The following VPS54 variants were observed in gnomAD, a reference collection of about 807,000 sequenced individuals.
VPS54 encodes vacuolar protein sorting-associated protein 54.
VPS54 carries 45 observed loss-of-function variants against 121.5 expected under a neutral mutation model. That is an observed-to-expected ratio of 0.37 (90% CI 0.29 to 0.47). VPS54 has a LOEUF of 0.47. Ranked by LOEUF, VPS54 falls within the 20% of genes least tolerant of loss-of-function variation. The pLI, the probability that VPS54 is intolerant of heterozygous loss-of-function variation, is 0.99. For missense variants in VPS54, 1,090 were observed against 1,131.4 expected (o/e 0.96, Z 0.52); for synonymous variants, 371 against 385.8 (o/e 0.96, Z 0.45).
intron 1 of VPS54, among the ~76,000 whole-genome samples, chr2:64,017,069 C>T (rs1319484716): frequency 7.1e-6 from 1 of 141,558 alleles, no homozygotes; most frequent in Admixed American, 7.1e-5. Context: ...GGGGCCGGGG[C>T]GGTGGCTCAC....
Position 63,949,058 on chromosome 2 carries a change from A to T in VPS54, c.1116T>A (p.Asp372Glu). 1 of 1,611,290 alleles carries T rather than the reference A, an allele frequency of 6.2e-7. No individual in the cohort carries two copies. Among genetic ancestry groups the T allele is most frequent in the Non-Finnish European group, 8.5e-7 (1 of 1,179,066 alleles). The change falls in exon 8 of 23, where the codon GAT becomes GAA. Residue 372 changes from aspartate to glutamate, a missense_variant. This residue lies in a region of VPS54 where 801 missense variants were observed against 757.0 expected (regional missense o/e 1.06). Transcript: ENST00000272322. The stretch of plus-strand genomic sequence containing the variant: ...ATACCTCTTCTAAAACTTGACAGTC[A>T]TCTTCCAGTGGTCTATTTAAGTCAC... ...SHSDLNRPLE[D>E]DCQVLEEERL...
intron 1 of VPS54, among the ~76,000 whole-genome samples, chr2:63,994,456 C>T (rs2104653527): frequency 6.6e-6 from 1 of 152,288 alleles, no homozygotes; most frequent in Non-Finnish European, 1.5e-5. Flanking sequence ...GAAATCTACA[C>T]TAATGATAGT....
chr2:63,919,156 A>G (rs1299918721), intron 15 of VPS54, among the ~76,000 whole-genome samples: 2 of 152,020 alleles, frequency 1.3e-5, no homozygotes, highest in Admixed American at 1.3e-4. Context: ...TGATGACTCC[A>G]CCTGAACTAG....
At chr2:63,937,728 A>G (rs1674515546) in intron 11 of VPS54, among the ~76,000 whole-genome samples, 1 of 152,200 alleles carries the variant, frequency 6.6e-6, no homozygotes, top group African/African-American at 2.4e-5. Flanking sequence ...TCAACAGCCA[A>G]AAGTTGAAGG....
chr2:63,974,651 C>G (rs974705879), intron 3 of VPS54, among the ~76,000 whole-genome samples: 3 of 152,128 alleles, frequency 2.0e-5, no homozygotes, highest in Non-Finnish European at 2.9e-5. Flanking sequence ...GATCTTATAT[C>G]TATTTAGATT....
intron 3 of VPS54, among the ~76,000 whole-genome samples, chr2:63,979,425 G>C (rs1473824080): frequency 2.0e-5 from 3 of 151,892 alleles, no homozygotes; most frequent in Non-Finnish European, 4.4e-5. Context: ...TATTTTTATA[G>C]AGACAGGGTT....
In VPS54 at chr2:63,897,577, CT is replaced by C. The variant is rs751553333; in HGVS notation, c.2746del (p.Arg916GlufsTer10). On this transcript the variant is annotated frameshift_variant, in exon 22 of 23. Transcript: ENST00000272322. LOFTEE classifies it high-confidence loss of function. The part of the protein sequence containing the change: ...PEEQTQMLFL[R>X]INASYKLHLK... The stretch of plus-strand genomic sequence containing the variant: ...GTGGAGTTTATAACTTGCATTAATT[CT>C]TAAAAATAACATCTGAAAAAGAAAT... 1 of 1,558,040 alleles carries C rather than the reference CT, an allele frequency of 6.4e-7. No individual in the cohort carries two copies. The highest frequency in any genetic ancestry group is 8.8e-7 in the Non-Finnish European group (1 of 1,140,956).
chr2:63,995,543 C>T (rs780855623), intron 1 of VPS54, among the ~76,000 whole-genome samples: 12 of 152,330 alleles, frequency 7.9e-5, no homozygotes, highest in Admixed American at 2.6e-4. Flanking sequence ...CCACCACTGC[C>T]GGAATGGCGT....
At chr2:63,931,522 T>G (rs1437077505) in intron 12 of VPS54, among the ~76,000 whole-genome samples, 1 of 152,146 alleles carries the variant, frequency 6.6e-6, no homozygotes, top group Admixed American at 6.5e-5. Flanking sequence ...GATCAAAGAC[T>G]TAAACGTAAG....
intron 1 of VPS54, among the ~76,000 whole-genome samples, chr2:63,993,875 T>G (rs760725200): frequency 2.0e-4 from 31 of 152,322 alleles, no homozygotes; most frequent in Middle Eastern, 6.8e-3. Flanking sequence ...CAAGCTTATT[T>G]CTACCCCTTA....
intron 12 of VPS54, among the ~76,000 whole-genome samples, chr2:63,928,659 A>C (rs1674033630): frequency 6.6e-6 from 1 of 152,084 alleles, no homozygotes; most frequent in African/African-American, 2.4e-5. Flanking sequence ...ACACATAACA[A>C]TATTAACCTT....
At chr2:63,903,178 G>A (rs1025278914) in intron 20 of VPS54, among the ~76,000 whole-genome samples, 2 of 152,170 alleles carry the variant, frequency 1.3e-5, no homozygotes, top group Non-Finnish European at 2.9e-5. Context: ...ACATCATAGT[G>A]AAACTGCTGA....
intron 20 of VPS54, 89 bp from the exon 21 acceptor site, chr2:63,899,670 C>A: frequency 9.7e-7 from 1 of 1,027,308 alleles, no homozygotes; most frequent in East Asian, 2.4e-5. Flanking sequence ...TTTACTGTCC[C>A]TCCACATATC....
chr2:63,904,232 G>A lies in VPS54; in HGVS notation c.2626-4651C>T, dbSNP rs1356172464. Among the ~76,000 whole-genome samples the A allele has an allele frequency of 3.9e-5, 6 of 151,982 alleles. No homozygotes were observed. In the East Asian group the frequency reaches 1.2e-3, roughly 29 times the overall value. On this transcript the variant is annotated intron_variant, in intron 20 of 22. Coordinates refer to ENST00000272322, the MANE Select transcript of VPS54 (RefSeq NM_016516.3). ...AGGTGGGCGGATCACTTGAGGTCAGGAATTGAGACCAGCCTGGCCAACATG... is the reference window on the plus strand; with the variant it reads ...AGGTGGGCGGATCACTTGAGGTCAGAAATTGAGACCAGCCTGGCCAACATG...
intron 8 of VPS54, 28 bp from the exon 9 acceptor site, chr2:63,947,518 C>T: frequency 7.0e-7 from 1 of 1,419,820 alleles, no homozygotes. Flanking sequence ...TGTAACTTGA[C>T]ATTTTAAATA....
At chr2:63,918,346 T>C (rs1558990375) in intron 15 of VPS54, among the ~76,000 whole-genome samples, 1 of 152,008 alleles carries the variant, frequency 6.6e-6, no homozygotes, top group African/African-American at 2.4e-5. Context: ...CAAAAGACCA[T>C]GAGCTGTTCA....
intron 7 of VPS54, among the ~76,000 whole-genome samples, chr2:63,951,634 G>C (rs1200077682): frequency 6.6e-6 from 1 of 152,044 alleles, no homozygotes; most frequent in Non-Finnish European, 1.5e-5. Flanking sequence ...TGCAAGTTTG[G>C]ATAAATTTTA....
chr2:63,899,368 T>C (rs921576313), intron 21 of VPS54, 106 bp downstream of exon 21: 2 of 890,994 alleles, frequency 2.2e-6, no homozygotes, highest in South Asian at 1.9e-5. Context: ...GATAATCATA[T>C]TGGAACATGA....
chr2:63,900,220 CAAAAAAAA>C (rs70965149), intron 20 of VPS54, among the ~76,000 whole-genome samples: 1 of 63,388 alleles, frequency 1.6e-5, no homozygotes, highest in East Asian at 6.2e-4. Context: ...AACTCTGTCT[CAAAAAAAA>C]AAAAAAAAAA....
Sources: gnomAD v4.1 joint callset for allele counts (sites outside exome capture counted in the v4.1 genomes callset) on GRCh38, gnomAD v4.1.1 for gene constraint, gnomAD v4.1.1 regional missense constraint, MANE v1.5 for transcripts, NCBI Gene and HGNC (gene_info 2026-07-23, HGNC 2026-07-21) for gene names.